The following CEP97 variants were observed in gnomAD, a reference collection of about 807,000 sequenced individuals.
The protein encoded by CEP97 is centrosomal protein 97.
CEP97 carries 43 observed loss-of-function variants against 73.1 expected under a neutral mutation model. The observed-to-expected ratio is 0.59, with a 90% CI of 0.46 to 0.76. CEP97 has a LOEUF of 0.76. CEP97 is among the 30% of genes least tolerant of loss of function. CEP97 has a pLI of 0.00. For missense variants in CEP97, 939 were observed against 1,014.0 expected (o/e 0.93, Z 1.00); for synonymous variants, 337 against 370.0 (o/e 0.91, Z 1.02).
At chr3:101,730,186 G>A (rs1938053721) in intron 4 of CEP97, among the ~76,000 whole-genome samples, 2 of 152,088 alleles carry the variant, frequency 1.3e-5, no homozygotes, top group African/African-American at 4.8e-5. Context: ...GTCTCTCAAA[G>A]TGCTAGGATT....
chr3:101,746,053 A>G (rs1048837766), intron 6 of CEP97, among the ~76,000 whole-genome samples: 83 of 152,176 alleles, frequency 5.5e-4, no homozygotes, highest in African/African-American at 1.9e-3. Flanking sequence ...ATGATTTCCA[A>G]TTTCATCCAT....
intron 6 of CEP97, among the ~76,000 whole-genome samples, chr3:101,746,190 A>G (rs1427926360): frequency 2.6e-4 from 39 of 152,266 alleles, no homozygotes; most frequent in Admixed American, 2.2e-3. Context: ...AGTCTTTGCT[A>G]TTGTGAATAA....
intron 6 of CEP97, among the ~76,000 whole-genome samples, chr3:101,738,896 C>T (rs575330707): frequency 5.3e-4 from 81 of 152,250 alleles, no homozygotes; most frequent in Non-Finnish European, 1.0e-3. Flanking sequence ...AATTCAGGAG[C>T]TGGTTTTTTG....
intron 1 of CEP97, among the ~76,000 whole-genome samples, chr3:101,725,195 C>T (rs1937839899): frequency 6.6e-6 from 1 of 152,132 alleles, no homozygotes; most frequent in Non-Finnish European, 1.5e-5. Context: ...GGCCAGTGGC[C>T]GTGATAAAAT....
intron 6 of CEP97, among the ~76,000 whole-genome samples, chr3:101,745,812 A>G (rs1938595666): frequency 6.6e-6 from 1 of 151,984 alleles, no homozygotes; most frequent in Non-Finnish European, 1.5e-5. Flanking sequence ...TGTGCAGGTT[A>G]GTTACATATG....
intron 4 of CEP97, among the ~76,000 whole-genome samples, chr3:101,730,006 A>G (rs1938043090): frequency 6.6e-6 from 1 of 152,062 alleles, no homozygotes; most frequent in African/African-American, 2.4e-5. Flanking sequence ...GGATTTCACC[A>G]CGTTGGCCAG....
intron 10 of CEP97, among the ~76,000 whole-genome samples, chr3:101,764,205 GC>G (rs1282078166): frequency 6.6e-6 from 1 of 152,204 alleles, no homozygotes; most frequent in Non-Finnish European, 1.5e-5. Context: ...GGTGGCTTGT[GC>G]CCGTAATCCC....
At chr3:101,764,343 G>A (rs1304337890) in intron 10 of CEP97, among the ~76,000 whole-genome samples, 2 of 152,134 alleles carry the variant, frequency 1.3e-5, no homozygotes, top group South Asian at 2.1e-4. Context: ...CGGACACGGT[G>A]GCTCACGCCT....
At chr3:101,763,892 T>G (rs62284200) in intron 10 of CEP97, among the ~76,000 whole-genome samples, 1 of 72,328 alleles carries the variant, frequency 1.4e-5, no homozygotes, top group African/African-American at 4.6e-5. Context: ...TGACCCCTTA[T>G]TCAGCTAGGC....
rs543887185 is a variant in CEP97 at position 101,758,149 on chromosome 3, A to T, written c.1543A>T (p.Ile515Leu). The change falls in exon 9 of 11, where the codon ATA becomes TTA. Residue 515 changes from isoleucine to leucine, a missense_variant. Coordinates refer to ENST00000341893, the MANE Select transcript of CEP97 (RefSeq NM_024548.4). ...GTCAACTGAGCAGAAACAATCAGAC[A>T]TAAAGAAACCAGAAAATACACAACC... ...PESTEQKQSD[I>L]KKPENTQPEN... 1.2e-6 allele frequency: 2 copies of T among 1,613,996 alleles called. No homozygotes were observed. The highest frequency in any genetic ancestry group is 8.5e-7 in the Non-Finnish European group (1 of 1,180,004).
chr3:101,732,366 C>T (rs1938139539), intron 5 of CEP97, 122 bp from the exon 6 acceptor site: 1 of 688,890 alleles, frequency 1.5e-6, no homozygotes, highest in Admixed American at 3.0e-5. Flanking sequence ...ACACTTGTCA[C>T]TTTTCAGAAC....
At chr3:101,761,790 T>C (rs1001626396) in intron 9 of CEP97, among the ~76,000 whole-genome samples, 2 of 152,042 alleles carry the variant, frequency 1.3e-5, no homozygotes, top group African/African-American at 4.8e-5. Context: ...AAGTGGAGAA[T>C]TGGGTCAGAG....
At chr3:101,738,011 C>CAAAAAAAAAAAAAAAAAAA (rs770745532) in intron 6 of CEP97, among the ~76,000 whole-genome samples, 2 of 44,222 alleles carry the variant, frequency 4.5e-5, no homozygotes, top group East Asian at 8.6e-4. Flanking sequence ...AAATGGAAAG[C>CAAAAAAAAAAAAAAAAAAA]AAAAAAAAAA....
At chr3:101,743,879 C>T (rs536701397) in intron 6 of CEP97, among the ~76,000 whole-genome samples, 1 of 152,040 alleles carries the variant, frequency 6.6e-6, no homozygotes, top group East Asian at 1.9e-4. Flanking sequence ...TCGCGCGTGC[C>T]TATAATCCCA....
intron 6 of CEP97, among the ~76,000 whole-genome samples, chr3:101,753,532 C>G (rs13061849): frequency 0.31 from 46,426 of 152,178 alleles, 7,378 homozygotes; most frequent in Non-Finnish European, 0.35. Context: ...GCAGGCAGGC[C>G]TCCTTGAGCT....
At chr3:101,750,170 T>C (rs1938760815) in intron 6 of CEP97, among the ~76,000 whole-genome samples, 3 of 143,954 alleles carry the variant, frequency 2.1e-5, no homozygotes, top group South Asian at 2.3e-4. Flanking sequence ...TTGATTTTTG[T>C]ATAAGGTGTA....
chr3:101,757,575 G>A, intron 8 of CEP97, 59 bp from the exon 9 acceptor site: 2 of 1,466,704 alleles, frequency 1.4e-6, no homozygotes, highest in Non-Finnish European at 1.9e-6. Context: ...TTCATTAAAG[G>A]GACATAACTA....
chr3:101,734,854 G>T (rs369784456), intron 6 of CEP97, among the ~76,000 whole-genome samples: 2 of 152,178 alleles, frequency 1.3e-5, no homozygotes, highest in Non-Finnish European at 1.5e-5. Context: ...AGAGATAAAG[G>T]TTTGGTGTAA....
intron 2 of CEP97, 74 bp from the exon 3 acceptor site, chr3:101,727,309 C>A: frequency 7.7e-7 from 1 of 1,294,852 alleles, no homozygotes; most frequent in South Asian, 1.4e-5. Flanking sequence ...CTAAATAAAC[C>A]TTTTAAATCA....
Sources: allele counts gnomAD v4.1 joint callset (sites outside exome capture counted in the v4.1 genomes callset), GRCh38; gene constraint gnomAD v4.1.1; transcripts MANE v1.5; gene names NCBI Gene and HGNC (gene_info 2026-07-23, HGNC 2026-07-21).